METTL21A: variants seen among roughly 807,000 people sequenced by gnomAD.
METTL21A encodes the protein protein N-lysine methyltransferase METTL21A.
A neutral mutation model predicts 20.9 loss-of-function variants in METTL21A; 22 were observed. The observed-to-expected ratio is 1.05, with a 90% CI of 0.75 to 1.50. The LOEUF (loss-of-function observed/expected upper bound fraction) is 1.50, where lower values mean the gene tolerates loss of function less well. Among genes scored for constraint, METTL21A ranks in the 40% most tolerant of loss-of-function variants. The pLI, the probability that METTL21A is intolerant of heterozygous loss-of-function variation, is 0.00. For missense variants in METTL21A, 271 were observed against 266.8 expected (o/e 1.02, Z -0.11); for synonymous variants, 93 against 102.0 (o/e 0.91, Z 0.53).
At chr2:207,601,440 T>A (rs2087033582) in intron 3 of METTL21A, 1 of 190,268 alleles carries the variant, frequency 5.3e-6, no homozygotes. Context: ...AAGAAAAACA[T>A]CAGGAAATTA....
At chr2:207,599,208 C>A in intron 3 of METTL21A, 1 of 197,756 alleles carries the variant, frequency 5.1e-6, no homozygotes, top group Non-Finnish European at 1.0e-5. Context: ...TCCTGCTGAG[C>A]TAATGGGGAA....
intron 3 of METTL21A, among the ~76,000 whole-genome samples, chr2:207,583,403 TGTTTAA>T (rs1417967504): frequency 1.3e-5 from 2 of 152,256 alleles, no homozygotes. Flanking sequence ...CTTATATGTT[TGTTTAA>T]ATCTACTATA....
intron 3 of METTL21A, chr2:207,601,809 T>G: frequency 4.6e-6 from 1 of 219,204 alleles, no homozygotes; most frequent in East Asian, 6.7e-5. Flanking sequence ...GGTGAAGAGT[T>G]GTGAGATAAA....
chr2:207,605,046 G>T (rs1033710213), downstream of METTL21A, among the ~76,000 whole-genome samples: 3 of 152,180 alleles, frequency 2.0e-5, no homozygotes, highest in Admixed American at 2.0e-4. Context: ...TCGTGTACAA[G>T]TATTTGAGTC....
intron 3 of METTL21A, among the ~76,000 whole-genome samples, chr2:207,586,638 A>T (rs537366364): frequency 6.6e-6 from 1 of 152,216 alleles, no homozygotes; most frequent in East Asian, 1.9e-4. Flanking sequence ...AATGGGAGGA[A>T]TATTTACAAA....
At chr2:207,622,083 A>C (rs1251554502) in intron 2 of METTL21A, among the ~76,000 whole-genome samples, 166 bp from the exon 3 acceptor site, 8 of 151,914 alleles carry the variant, frequency 5.3e-5, no homozygotes, top group Non-Finnish European at 8.8e-5. Context: ...TCCCCCTTAG[A>C]GCAAGCACAG....
intron 3 of METTL21A, among the ~76,000 whole-genome samples, chr2:207,596,750 T>C (rs1036473463): frequency 6.6e-6 from 1 of 152,096 alleles, no homozygotes; most frequent in Non-Finnish European, 1.5e-5. Context: ...AATTTTAATA[T>C]AAGGTAATTT....
At chr2:207,621,666 G>T in intron 3 of METTL21A, 140 bp downstream of exon 3, 1 of 684,900 alleles carries the variant, frequency 1.5e-6, no homozygotes, top group Non-Finnish European at 2.6e-6. Flanking sequence ...AACCCCAGCA[G>T]TTGGCCCACA....
At chr2:207,614,726 G>A (rs1559115872) in intron 3 of METTL21A, among the ~76,000 whole-genome samples, 3 of 152,102 alleles carry the variant, frequency 2.0e-5, no homozygotes, top group Non-Finnish European at 1.5e-5. Context: ...ACCAATGTGG[G>A]TAAGAGAAGA....
chr2:207,602,225 T>A (rs1036863484), intron 3 of METTL21A: 6 of 185,446 alleles, frequency 3.2e-5, no homozygotes, highest in Non-Finnish European at 6.8e-5. Context: ...ATTTATTTTT[T>A]AAAAAAAGAA....
At chr2:207,583,449 A>G (rs572394295) in intron 3 of METTL21A, among the ~76,000 whole-genome samples, 1 of 152,352 alleles carries the variant, frequency 6.6e-6, no homozygotes, top group Non-Finnish European at 1.5e-5. Flanking sequence ...AATTGATAAT[A>G]TGTACCATTG....
downstream of METTL21A, chr2:207,612,549 C>T (rs1222390028): frequency 6.6e-6 from 1 of 152,098 alleles, no homozygotes; most frequent in Non-Finnish European, 1.5e-5. Flanking sequence ...TGTTTAGGAC[C>T]TAAACAGGGC....
chr2:207,591,959 T>C (rs1404621418), intron 3 of METTL21A, among the ~76,000 whole-genome samples: 1 of 152,216 alleles, frequency 6.6e-6, no homozygotes. Flanking sequence ...CATTTCCTTA[T>C]ATAAATCCAT....
At chr2:207,618,274 C>T (rs1412429292) in intron 3 of METTL21A, among the ~76,000 whole-genome samples, 2 of 152,178 alleles carry the variant, frequency 1.3e-5, no homozygotes, top group Admixed American at 6.5e-5. Flanking sequence ...GCAGTTCCCT[C>T]TTATCTGCAA....
rs200861902 is a variant in METTL21A, at chr2:207,624,225, T to C, written c.147+4A>G. ...TTTTCAGAGGTCCCCCAGGGCTTAC[T>C]TACCGCATCCCAAACCACCGCTGCG... On this transcript the variant is annotated splice_donor_region_variant and intron_variant, in intron 2 of 3. Transcript: ENST00000406927. 5.6e-6 allele frequency: 9 copies of C among 1,598,172 alleles called. No individual in the cohort carries two copies. Among genetic ancestry groups the C allele is most frequent in the Non-Finnish European group, 6.8e-6 (8 of 1,173,674 alleles).
chr2:207,584,661 C>T (rs927201212), intron 3 of METTL21A, among the ~76,000 whole-genome samples: 1 of 152,200 alleles, frequency 6.6e-6, no homozygotes, highest in East Asian at 1.9e-4. Flanking sequence ...CTCGGCCTCC[C>T]AAAATGCTGG....
At chr2:207,581,635 A>T (rs1406703777), downstream of METTL21A, 4 of 412,414 alleles carry the variant, frequency 9.7e-6, no homozygotes, top group African/African-American at 8.2e-5. Flanking sequence ...TAAACTTACA[A>T]AGGAGTTTTA....
chr2:207,582,907 A>G, intron 3 of METTL21A: 1 of 266,942 alleles, frequency 3.7e-6, no homozygotes. Flanking sequence ...ACAAACAAAC[A>G]AACAAAAAAA....
chr2:207,589,622 T>A (rs536104478), intron 3 of METTL21A, among the ~76,000 whole-genome samples: 126 of 152,340 alleles, frequency 8.3e-4, no homozygotes, highest in African/African-American at 2.9e-3. Flanking sequence ...TACATTTTTT[T>A]AAAAACTCTC....
Sources: allele counts gnomAD v4.1 joint callset (sites outside exome capture counted in the v4.1 genomes callset), GRCh38; gene constraint gnomAD v4.1.1; transcripts MANE v1.5; gene names NCBI Gene and HGNC (gene_info 2026-07-23, HGNC 2026-07-21).